ATAD5: variants seen among roughly 807,000 people sequenced by gnomAD.
The protein encoded by ATAD5 is ATPase family AAA domain-containing protein 5.
Under a neutral mutation model 176.9 loss-of-function variants are expected in ATAD5, and 58 were observed. The observed-to-expected ratio is 0.33, with a 90% CI of 0.27 to 0.41. The LOEUF (loss-of-function observed/expected upper bound fraction) is 0.41, where lower values mean the gene tolerates loss of function less well. Ranked by LOEUF, ATAD5 falls within the 10% of genes least tolerant of loss-of-function variation. ATAD5 has a pLI of 1.00. For missense variants in ATAD5, 1,789 were observed against 2,094.1 expected, an observed-to-expected ratio of 0.85 and a Z score of 2.84; for synonymous variants, 640 against 712.6, an observed-to-expected ratio of 0.90 and a Z score of 1.62.
intron 6 of ATAD5, among the ~76,000 whole-genome samples, chr17:30,851,420 T>A (rs1422884423): frequency 6.9e-6 from 1 of 145,320 alleles, no homozygotes; most frequent in Non-Finnish European, 1.5e-5. Context: ...GGCGTGAACC[T>A]GGGAGGTGGA....
intron 7 of ATAD5, among the ~76,000 whole-genome samples, 180 bp from the exon 8 acceptor site, chr17:30,856,775 T>C (rs979725493): frequency 1.3e-5 from 2 of 151,646 alleles, no homozygotes; most frequent in Non-Finnish European, 2.9e-5. Context: ...GAAGTCTAGG[T>C]GATTTTTATT....
intron 15 of ATAD5, among the ~76,000 whole-genome samples, chr17:30,877,080 C>T (rs1449306402): frequency 6.6e-6 from 1 of 151,780 alleles, no homozygotes; most frequent in Non-Finnish European, 1.5e-5. Flanking sequence ...TGCAGTGGCG[C>T]AATCTTGGCT....
chr17:30,877,524 C>T lies in ATAD5; in HGVS notation c.3893C>T (p.Ala1298Val), dbSNP rs1387589675. ...GCTGAAGAACCCAGCAGAAAAAATG[C>T]AACATCTCTTATTCTTTTTGAGGAG... is the stretch of plus-strand genomic sequence containing the variant. ...VGAEEPSRKN[A>V]TSLILFEEVD... is the part of the protein sequence containing the mutation. The change falls in exon 16 of 23, where the codon GCA becomes GTA. Residue 1298 changes from alanine (A) to valine (V), a missense_variant. This residue lies in a region of ATAD5 where 194 missense variants were observed against 270.1 expected (regional missense o/e 0.72). Transcript: ENST00000321990. The T allele has an allele frequency of 1.2e-6, 2 of 1,610,780 alleles. No homozygotes were observed. The highest frequency in any genetic ancestry group is 1.7e-5 in the Admixed American group (1 of 58,820).
chr17:30,886,957 A>G (rs1356920507), intron 18 of ATAD5, among the ~76,000 whole-genome samples: 1 of 152,198 alleles, frequency 6.6e-6, no homozygotes, highest in Admixed American at 6.5e-5. Flanking sequence ...ATCTCCTATA[A>G]AAGTTTCCTT....
intron 19 of ATAD5, among the ~76,000 whole-genome samples, chr17:30,888,935 A>C (rs2142448633): frequency 6.6e-6 from 1 of 151,814 alleles, no homozygotes; most frequent in African/African-American, 2.4e-5. Flanking sequence ...GTGTGGCGGC[A>C]CATGCCTGTA....
Position 30,892,750 on chromosome 17 carries a change from AT to A in ATAD5, c.4408del (p.Ser1470ProfsTer10). On this transcript the variant is annotated frameshift_variant, in exon 20 of 23. Transcript: ENST00000321990. LOFTEE classifies it high-confidence loss of function. ...CAETLFGLKNIFSPSEDLFSF... is the reference protein window; with the variant it reads ...CAETLFGLKNXFSPSEDLFSF... ...TGAGACCTTGTTTGGCCTTAAGAAC[AT>A]TTTTTCCCCATCTGAAGACTTATTT... 7 of 1,577,270 alleles carry A rather than the reference AT, an allele frequency of 4.4e-6. No homozygotes were observed. Among genetic ancestry groups the A allele is most frequent in the East Asian group, 2.3e-5 (1 of 43,188 alleles).
At position 30,860,523 on chromosome 17, in the gene ATAD5, A is replaced by T; in HGVS notation, c.3047A>T (p.Tyr1016Phe). ...SKSKRKKPNE[Y>F]SKNLEKTNRK... ...TCAAAAAGAAAGAAACCAAATGAGT[A>T]TTCAAAAAATCTGGAGAAGACCAAT... Residue 1016 changes from tyrosine to phenylalanine, a missense_variant, in exon 10 of 23, where the codon TAT becomes TTT. Tyr to Phe is a conservative substitution (Grantham distance 22). Around this residue, in one of 6 missense-constraint regions of ATAD5, gnomAD observed 487 missense variants for 573.6 expected, o/e 0.85. Coordinates refer to ENST00000321990, the MANE Select transcript of ATAD5 (RefSeq NM_024857.5). 1.2e-6 allele frequency: 2 copies of T among 1,600,164 alleles called. No individual in the cohort carries two copies. Among genetic ancestry groups the T allele is most frequent in the South Asian group, 1.1e-5 (1 of 87,862 alleles).
chr17:30,869,149 C>G, intron 12 of ATAD5, 99 bp from the exon 13 acceptor site: 1 of 1,379,498 alleles, frequency 7.2e-7, no homozygotes, highest in South Asian at 1.4e-5. Flanking sequence ...TTTTCAGCAT[C>G]TATTGCAAGA....
At chr17:30,847,791 CT>C (rs1385059565) in intron 6 of ATAD5, among the ~76,000 whole-genome samples, 2 of 145,780 alleles carry the variant, frequency 1.4e-5, no homozygotes, top group Admixed American at 7.1e-5. Flanking sequence ...ACAGTCTAGG[CT>C]CACTGTAACC....
At chr17:30,854,105 G>A (rs1005193564) in intron 6 of ATAD5, among the ~76,000 whole-genome samples, 2 of 149,720 alleles carry the variant, frequency 1.3e-5, no homozygotes, top group Non-Finnish European at 3.0e-5. Context: ...AAAAGAATTT[G>A]ATCAGCTAAT....
rs892705541 is a variant in ATAD5, at chr17:30,832,264, G to C, written c.-84G>C. ...GAATCCCAGCAGCTTGCTGCTACTG[G>C]AGCGGGCCGCCTCCATGGCCTCCAG... On this transcript the variant is annotated 5_prime_UTR_variant, in exon 1 of 23. Transcript: ENST00000321990. 31 of 1,279,406 alleles carry C rather than the reference G, an allele frequency of 2.4e-5. No homozygotes were observed. The highest frequency in any genetic ancestry group is 3.0e-5 in the Non-Finnish European group (29 of 976,694). 79.3% of individuals were successfully genotyped at this position (1,279,406 alleles called of 1,614,324 possible). A position where few individuals can be genotyped will look rare whatever the true frequency, so the allele number is the denominator to read the frequency against.
chr17:30,866,184 AATT>A (rs1907963161), intron 11 of ATAD5, among the ~76,000 whole-genome samples: 1 of 137,738 alleles, frequency 7.3e-6, no homozygotes, highest in African/African-American at 2.8e-5. Context: ...AGAATTTACA[AATT>A]TTTTTTTTTT....
chr17:30,892,617 C>A lies in ATAD5; in HGVS notation c.4269C>A (p.Ser1423Arg). Residue 1423 changes from serine to arginine, a missense_variant, in exon 20 of 23, where the codon AGC becomes AGA. Coordinates refer to ENST00000321990, the MANE Select transcript of ATAD5 (RefSeq NM_024857.5). ...TCTTTTATTTTGTAGGTGGAAATAG[C>A]AGAAATGTACAACTAGTTTGCTCTG... ...ERPLTLYRGN[S>R]RNVQLVCSEH... 6.5e-7 allele frequency: 1 copy of A among 1,546,048 alleles called. No homozygotes were observed.
chr17:30,878,732 T>TG (rs1908829668), intron 17 of ATAD5, among the ~76,000 whole-genome samples: 3 of 125,038 alleles, frequency 2.4e-5, no homozygotes, highest in Non-Finnish European at 3.3e-5. Context: ...TTTTTTTTTT[T>TG]TTTTTTTTTT....
chr17:30,871,273 T>C (rs960009745), intron 14 of ATAD5, among the ~76,000 whole-genome samples: 3 of 151,366 alleles, frequency 2.0e-5, no homozygotes, highest in Non-Finnish European at 4.4e-5. Context: ...CAGTCTTTCC[T>C]GTAGGTTTTT....
chr17:30,874,777 C>T (rs1297255499), intron 14 of ATAD5, among the ~76,000 whole-genome samples: 1 of 151,074 alleles, frequency 6.6e-6, no homozygotes, highest in Non-Finnish European at 1.5e-5. Flanking sequence ...ATTACAGGCA[C>T]CTGCCACCAT....
At chr17:30,886,372 TTTTA>T (rs138195442) in intron 18 of ATAD5, among the ~76,000 whole-genome samples, 18,058 of 146,472 alleles carry the variant, frequency 0.12, 2,163 homozygotes, top group African/African-American at 0.31. Flanking sequence ...AATTGAATTA[TTTTA>T]TTTATTTATT....
Position 30,832,582 on chromosome 17 carries a change from G to C in ATAD5, c.66+169G>C, listed in dbSNP as rs557349020. ...AACAGTTGCCAGAGTGTGTCGTTTAGAGTCGTGTCAAGTCCTGATAAACAT... is the reference window on the plus strand; with the variant it reads ...AACAGTTGCCAGAGTGTGTCGTTTACAGTCGTGTCAAGTCCTGATAAACAT... On this transcript the variant is annotated intron_variant, in intron 1 of 22. Transcript: ENST00000321990. Among the ~76,000 whole-genome samples the C allele has an allele frequency of 2.0e-5, 3 of 152,304 alleles. No individual in the cohort carries two copies. In the East Asian group the frequency reaches 5.8e-4, roughly 29 times the overall value.
chr17:30,847,907 A>G (rs964318197), intron 6 of ATAD5, among the ~76,000 whole-genome samples: 1 of 151,020 alleles, frequency 6.6e-6, no homozygotes, highest in African/African-American at 2.4e-5. Context: ...TTTTTAGTAG[A>G]GATGGGGTTT....
Sources: gnomAD v4.1 joint callset for allele counts (sites outside exome capture counted in the v4.1 genomes callset) on GRCh38, gnomAD v4.1.1 for gene constraint, gnomAD v4.1.1 regional missense constraint, MANE v1.5 for transcripts, NCBI Gene and HGNC (gene_info 2026-07-23, HGNC 2026-07-21) for gene names.